MORN1: variants seen among roughly 807,000 people sequenced by gnomAD.
MORN1 encodes MORN repeat containing 1.
A neutral mutation model predicts 61.9 loss-of-function variants in MORN1; 67 were observed. That is an observed-to-expected ratio of 1.08 (90% confidence interval 0.89 to 1.33). The LOEUF is 1.33. MORN1 is among the 40% of genes most tolerant of loss of function. The pLI is 0.00. For synonymous variants in MORN1, 301 were observed against 292.0 expected (o/e 1.03, Z -0.31); for missense variants, 752 against 691.2 (o/e 1.09, Z -0.99).
intron 10 of MORN1, chr1:2,351,873 C>G (rs1368919670): frequency 1.2e-5 from 6 of 506,064 alleles, no homozygotes; most frequent in Non-Finnish European, 2.3e-5. Flanking sequence ...TGCCGTTCCC[C>G]CAGATCCAAT....
rs77681606 is a variant in MORN1 at position 2,332,325 on chromosome 1, C to T, written c.1250+4144G>A. 2,831 of 309,570 alleles carry T rather than the reference C, an allele frequency of 9.1e-3. 108 individuals are homozygous for T. In the East Asian group the frequency reaches 0.12, roughly 13 times the overall value. The allele number at this position is 309,570 out of a possible 1,614,324, so 19.2% of individuals were successfully genotyped here. A position where few individuals can be genotyped will look rare whatever the true frequency, so the allele number is the denominator to read the frequency against. ...GGGACAGGGGGCTCCCCTAGAGCCC[C>T]GGTCTCAGCACACCCTGGTGAGCAT... On this transcript the variant is annotated intron_variant, in intron 12 of 13. Transcript: ENST00000378531.
In MORN1 at chr1:2,330,571, T is replaced by TA. The variant is rs1389985222; in HGVS notation, c.1250+5897dup. 3.9e-5 allele frequency among the ~76,000 whole-genome samples: 6 copies of TA among 152,086 alleles called. No homozygotes were observed. The East Asian group carries it at 5.8e-4, about 15-fold the overall frequency. On this transcript the variant is annotated intron_variant, in intron 12 of 13. Coordinates refer to ENST00000378531, the MANE Select transcript of MORN1 (RefSeq NM_024848.3). ...GTGGAGCATCCACGATCTTTTCAAGTAAAAAAAATTAATTGACTCCATCTG... is the reference window on the plus strand; with the variant it reads ...GTGGAGCATCCACGATCTTTTCAAGTAAAAAAAAATTAATTGACTCCATCTG...
chr1:2,335,834 A>AGCCCAGCCCAGCCCGGCCCGGCCCG (rs1553208759), intron 12 of MORN1, among the ~76,000 whole-genome samples: 2 of 143,018 alleles, frequency 1.4e-5, no homozygotes, highest in African/African-American at 6.0e-5. Context: ...TCCATAGCCC[A>AGCCCAGCCCAGCCCGGCCCGGCCCG]GCCCAGCCCA....
At chr1:2,381,400 A>T (rs922289276) in intron 6 of MORN1, among the ~76,000 whole-genome samples, 11 of 152,306 alleles carry the variant, frequency 7.2e-5, no homozygotes, top group African/African-American at 2.6e-4. Flanking sequence ...AGCGTGGACG[A>T]GGCCAGGGGA....
chr1:2,383,991 ACT>A (rs1642430890), intron 6 of MORN1, among the ~76,000 whole-genome samples: 1 of 152,128 alleles, frequency 6.6e-6, no homozygotes, highest in African/African-American at 2.4e-5. Context: ...CCCTCCTGAC[ACT>A]GAGACGTTGC....
At chr1:2,384,173 G>C (rs1642434696) in intron 6 of MORN1, among the ~76,000 whole-genome samples, 1 of 152,096 alleles carries the variant, frequency 6.6e-6, no homozygotes, top group Non-Finnish European at 1.5e-5. Context: ...TGTTGCTTCT[G>C]CCTCCTGACT....
chr1:2,374,575 A>G lies in MORN1; in HGVS notation c.538-18T>C. On this transcript the variant is annotated intron_variant, in intron 6 of 13. Transcript: ENST00000378531. ...CACTGTCCCTGCAGAGAGAAGGGTGAGGCTCAGGCTGGTGGCTCCCAAGGG... is the reference window on the plus strand; with the variant it reads ...CACTGTCCCTGCAGAGAGAAGGGTGGGGCTCAGGCTGGTGGCTCCCAAGGG... The G allele has an allele frequency of 1.3e-6, 2 of 1,570,704 alleles. No homozygotes were observed. The highest frequency in any genetic ancestry group is 1.7e-6 in the Non-Finnish European group (2 of 1,157,524).
intron 10 of MORN1, among the ~76,000 whole-genome samples, chr1:2,345,664 G>C (rs1489398494): frequency 2.0e-5 from 3 of 152,184 alleles, no homozygotes; most frequent in African/African-American, 7.2e-5. Flanking sequence ...GGGTCTCCTC[G>C]AGGAACAGAA....
At chr1:2,378,118 C>A (rs1429392639) in intron 6 of MORN1, 1 of 152,346 alleles carries the variant, frequency 6.6e-6, no homozygotes, top group South Asian at 2.1e-4. Flanking sequence ...CTGCATTTGA[C>A]CTCGCTGGTC....
At chr1:2,385,494 C>T (rs535237073) in intron 5 of MORN1, 16 of 349,942 alleles carry the variant, frequency 4.6e-5, no homozygotes, top group African/African-American at 2.3e-4. Flanking sequence ...GACCTGGAGA[C>T]GCTCCTGTGG....
chr1:2,351,481 G>GT (rs1641645789), intron 10 of MORN1: 1 of 174,116 alleles, frequency 5.7e-6, no homozygotes, highest in African/African-American at 2.4e-5. Context: ...GGGTACGTTC[G>GT]TGACGGGCTA....
chr1:2,386,187 G>A (rs1642494312), intron 4 of MORN1: 1 of 424,112 alleles, frequency 2.4e-6, no homozygotes, highest in Non-Finnish European at 4.4e-6. Flanking sequence ...AGGTGCGGTT[G>A]AGGGGCCCTG....
intron 10 of MORN1, among the ~76,000 whole-genome samples, chr1:2,345,005 G>A (rs779358805): frequency 1.3e-5 from 2 of 151,528 alleles, no homozygotes; most frequent in Non-Finnish European, 2.9e-5. Flanking sequence ...TCAGCCTCCG[G>A]GAGGGTCCAC....
At chr1:2,368,305 C>T (rs1642039131) in intron 8 of MORN1, among the ~76,000 whole-genome samples, 1 of 152,242 alleles carries the variant, frequency 6.6e-6, no homozygotes. Context: ...GCTACAGCTC[C>T]TGCAGAGCGG....
At chr1:2,336,061 T>C (rs1331498074) in intron 12 of MORN1, among the ~76,000 whole-genome samples, 2 of 152,178 alleles carry the variant, frequency 1.3e-5, no homozygotes, top group Non-Finnish European at 2.9e-5. Context: ...GGTGTGCACC[T>C]GGTCCCACTC....
At chr1:2,377,612 T>C (rs1457612094) in intron 6 of MORN1, 1 of 152,382 alleles carries the variant, frequency 6.6e-6, no homozygotes, top group Non-Finnish European at 1.5e-5. Flanking sequence ...GGTCCATTCA[T>C]GCTGTTTTCT....
At chr1:2,347,574 G>C (rs1408001884) in intron 10 of MORN1, among the ~76,000 whole-genome samples, 1 of 152,112 alleles carries the variant, frequency 6.6e-6, no homozygotes, top group Non-Finnish European at 1.5e-5. Flanking sequence ...ACAGGCCCCA[G>C]ATGACTTAGA....
At chr1:2,355,159 A>G in intron 10 of MORN1, 5 of 1,142,188 alleles carry the variant, frequency 4.4e-6, no homozygotes, top group Admixed American at 4.4e-5. Flanking sequence ...AATCTCTCCA[A>G]GTAGAAGGCA....
Position 2,374,492 on chromosome 1 carries a change from A to G in MORN1, c.603T>C (p.Tyr201=), listed in dbSNP as rs1472194992. 3.7e-6 allele frequency: 6 copies of G among 1,603,092 alleles called. No homozygotes were observed. Among genetic ancestry groups the G allele is most frequent in the Non-Finnish European group, 4.3e-6 (5 of 1,175,586 alleles). ...GSMAHCSGVT[Y]YGLWINGHPA... Reference sequence around the variant, plus strand: ...GGTGGCCATTGATCCACAACCCATAATAGGTGACCCCTGAGCAGTGGGCCA... The same window carrying G: ...GGTGGCCATTGATCCACAACCCATAGTAGGTGACCCCTGAGCAGTGGGCCA... The change falls in exon 7 of 14, where the codon TAT becomes TAC. Residue 201 remains tyrosine, a synonymous_variant. Transcript: ENST00000378531.
Sources: gnomAD v4.1 joint callset for allele counts (sites outside exome capture counted in the v4.1 genomes callset) on GRCh38, gnomAD v4.1.1 for gene constraint, MANE v1.5 for transcripts, NCBI Gene and HGNC (gene_info 2026-07-23, HGNC 2026-07-21) for gene names.